The following TAFA4 variants were observed in gnomAD, a reference collection of about 807,000 sequenced individuals.
The protein encoded by TAFA4 is TAFA chemokine like family member 4.
A neutral mutation model predicts 21.1 loss-of-function variants in TAFA4; 20 were observed. The observed-to-expected ratio is 0.95, with a 90% CI of 0.67 to 1.38. The LOEUF (loss-of-function observed/expected upper bound fraction) is 1.38, where lower values mean the gene tolerates loss of function less well. Ranked by LOEUF, TAFA4 falls within the 40% of genes most tolerant of loss-of-function variation. TAFA4 has a pLI of 0.00. For synonymous variants in TAFA4, 71 were observed against 67.4 expected, an observed-to-expected ratio of 1.05 and a Z score of -0.26; for missense variants, 211 against 180.9, an observed-to-expected ratio of 1.17 and a Z score of -0.95.
intron 3 of TAFA4, among the ~76,000 whole-genome samples, chr3:68,848,975 C>G (rs1704877325): frequency 6.6e-6 from 1 of 152,142 alleles, no homozygotes; most frequent in Admixed American, 6.5e-5. Context: ...TAAACACACT[C>G]CTCTGAAATT....
At chr3:68,799,103 T>C (rs1231721136) in intron 3 of TAFA4, among the ~76,000 whole-genome samples, 1 of 152,186 alleles carries the variant, frequency 6.6e-6, no homozygotes, top group African/African-American at 2.4e-5. Context: ...GACAGAATAA[T>C]GTCCCCCCTC....
intron 1 of TAFA4, among the ~76,000 whole-genome samples, chr3:68,918,148 C>T (rs1490285916): frequency 6.6e-6 from 1 of 151,280 alleles, no homozygotes; most frequent in Non-Finnish European, 1.5e-5. Flanking sequence ...CACACACACA[C>T]ACACACAAAC....
At position 68,807,429 on chromosome 3, in the gene TAFA4, C is replaced by T. The variant is rs1036419715; in HGVS notation, c.131-54411G>A. 8.5e-5 allele frequency among the ~76,000 whole-genome samples: 13 copies of T among 152,090 alleles called. No individual in the cohort carries two copies. The East Asian group carries it at 2.3e-3, about 27-fold the overall frequency. On this transcript the variant is annotated intron_variant, in intron 3 of 5. Transcript: ENST00000295569. Reference sequence around the variant, plus strand: ...ATTCCCAAATCCAAGCCAGACTGGCCACAAGTAGACATTTTTGAAACATGG... The same window carrying T: ...ATTCCCAAATCCAAGCCAGACTGGCTACAAGTAGACATTTTTGAAACATGG...
chr3:68,741,801 T>A (rs1207004773), intron 4 of TAFA4, among the ~76,000 whole-genome samples: 4 of 149,168 alleles, frequency 2.7e-5, no homozygotes, highest in East Asian at 2.0e-4. Flanking sequence ...CAAAAAAAAA[T>A]AAAAATAAAA....
intron 3 of TAFA4, among the ~76,000 whole-genome samples, chr3:68,814,904 C>G (rs1173590410): frequency 6.6e-6 from 1 of 152,304 alleles, no homozygotes; most frequent in Middle Eastern, 3.4e-3. Context: ...CACTACCTGA[C>G]TTCAAACTAT....
chr3:68,925,636 C>G (rs964559177), intron 1 of TAFA4, among the ~76,000 whole-genome samples: 28 of 152,206 alleles, frequency 1.8e-4, no homozygotes, highest in African/African-American at 6.0e-4. Flanking sequence ...ACTCAAAATC[C>G]CTTTTAACTT....
At chr3:68,909,845 T>C (rs1294429980) in intron 1 of TAFA4, among the ~76,000 whole-genome samples, 1 of 152,204 alleles carries the variant, frequency 6.6e-6, no homozygotes, top group Non-Finnish European at 1.5e-5. Flanking sequence ...GTGGCTTATC[T>C]AGATGCTTTG....
At chr3:68,775,079 T>TCAGA (rs547017308) in intron 3 of TAFA4, among the ~76,000 whole-genome samples, 2 of 152,140 alleles carry the variant, frequency 1.3e-5, no homozygotes, top group Non-Finnish European at 2.9e-5. Context: ...CTGACATTTG[T>TCAGA]CAGACCAGGG....
rs181175679 is a variant in TAFA4 at position 68,913,228 on chromosome 3, T to C, written c.-123+19012A>G. Among the ~76,000 whole-genome samples, 221 of 152,330 alleles carry C rather than the reference T, an allele frequency of 1.5e-3. 1 individual carries two copies. The highest frequency in any genetic ancestry group is 5.1e-3 in the African/African-American group (214 of 41,576). ...CTGTGTGCTGTACATGCATCTTCCA[T>C]CTAATCCTCACCTGTTATTTTCTTC... is the stretch of plus-strand genomic sequence containing the variant. On this transcript the variant is annotated intron_variant, in intron 1 of 5. Transcript: ENST00000295569.
intron 3 of TAFA4, among the ~76,000 whole-genome samples, chr3:68,839,805 G>A (rs77225199): frequency 0.019 from 2,967 of 152,254 alleles, 96 homozygotes; most frequent in African/African-American, 0.063. Flanking sequence ...AGCGTAACAA[G>A]AGCAACTTGA....
At chr3:68,783,395 C>CT (rs1355790796) in intron 3 of TAFA4, among the ~76,000 whole-genome samples, 1 of 152,174 alleles carries the variant, frequency 6.6e-6, no homozygotes, top group Non-Finnish European at 1.5e-5. Context: ...ACCAGATAGA[C>CT]AAGCACAGAG....
At chr3:68,827,913 T>C (rs1431967510) in intron 3 of TAFA4, among the ~76,000 whole-genome samples, 1 of 152,198 alleles carries the variant, frequency 6.6e-6, no homozygotes, top group Non-Finnish European at 1.5e-5. Flanking sequence ...AGTTTGGCTT[T>C]TGTTGCCATT....
At chr3:68,755,105 G>A (rs1575596387) in intron 3 of TAFA4, among the ~76,000 whole-genome samples, 4 of 152,056 alleles carry the variant, frequency 2.6e-5, no homozygotes, top group African/African-American at 4.8e-5. Flanking sequence ...CAGGTACATC[G>A]ACATCTCCGA....
Position 68,880,814 on chromosome 3 carries a change from A to G in TAFA4, c.46T>C (p.Ser16Pro). Residue 16 changes from serine (S) to proline (P), a missense_variant, in exon 3 of 6, where the codon TCG becomes CCG. Transcript: ENST00000295569. ...MRVCAKSVLL[S>P]HWLFLAYVLM... ...ACGTAGGCTAGAAAGAGCCAGTGCG[A>G]CAGCAACACTGACTTAGCACAGACT... is the stretch of plus-strand genomic sequence containing the variant. The G allele has an allele frequency of 6.2e-7, 1 of 1,613,700 alleles. No individual in the cohort carries two copies. Among genetic ancestry groups the G allele is most frequent in the Non-Finnish European group, 8.5e-7 (1 of 1,179,954 alleles).
chr3:68,931,770 G>A (rs1379132884), intron 1 of TAFA4, among the ~76,000 whole-genome samples: 1 of 151,506 alleles, frequency 6.6e-6, no homozygotes, highest in Non-Finnish European at 1.5e-5. Flanking sequence ...GCTTCAGGGT[G>A]GGGGTGGGGG....
At chr3:68,803,797 C>CTTTTTTTTTTTTTTTTTT (rs386396961) in intron 3 of TAFA4, among the ~76,000 whole-genome samples, 2 of 81,612 alleles carry the variant, frequency 2.5e-5, no homozygotes, top group East Asian at 4.6e-4. Flanking sequence ...ATCTCTGATT[C>CTTTTTTTTTTTTTTTTTT]TTTTTTTTTT....
intron 3 of TAFA4, among the ~76,000 whole-genome samples, chr3:68,838,870 G>GT (rs1487445851): frequency 6.6e-6 from 1 of 152,132 alleles, no homozygotes; most frequent in African/African-American, 2.4e-5. Context: ...GCCAAGGCAG[G>GT]TAGATCGCTT....
chr3:68,838,343 T>A (rs1681893924), intron 3 of TAFA4, among the ~76,000 whole-genome samples: 1 of 152,234 alleles, frequency 6.6e-6, no homozygotes, highest in African/African-American at 2.4e-5. Context: ...ATTTTTAATG[T>A]CAAGAATACA....
chr3:68,835,127 G>C (rs574969500), intron 3 of TAFA4, among the ~76,000 whole-genome samples: 12 of 152,122 alleles, frequency 7.9e-5, no homozygotes, highest in African/African-American at 2.9e-4. Context: ...TCCACCACCT[G>C]GAACACCTGG....
Sources: allele counts gnomAD v4.1 joint callset (sites outside exome capture counted in the v4.1 genomes callset), GRCh38; gene constraint gnomAD v4.1.1; transcripts MANE v1.5; gene names NCBI Gene and HGNC (gene_info 2026-07-23, HGNC 2026-07-21).